The following PTN variants were observed in gnomAD, a reference collection of about 807,000 sequenced individuals.
The protein encoded by PTN is heparin affin regulatory protein.
A neutral mutation model predicts 24.1 loss-of-function variants in PTN; 18 were observed. That is an observed-to-expected ratio of 0.75 (90% confidence interval 0.52 to 1.11). PTN has a LOEUF of 1.11. Among genes scored for constraint, PTN ranks in the 50% least tolerant of loss-of-function variants. PTN has a pLI of 0.00. For synonymous variants in PTN, 78 were observed against 68.6 expected (o/e 1.14, Z -0.67); for missense variants, 163 against 198.8 (o/e 0.82, Z 1.08).
intron 1 of PTN, among the ~76,000 whole-genome samples, chr7:137,264,057 T>A (rs322311): frequency 0.49 from 74,183 of 152,016 alleles, 19,020 homozygotes; most frequent in African/African-American, 0.66. Flanking sequence ...TTGTCCAATA[T>A]TTGAAACTTT....
chr7:137,229,717 T>C (rs1413317433), intron 4 of PTN, among the ~76,000 whole-genome samples: 2 of 151,816 alleles, frequency 1.3e-5, no homozygotes, highest in African/African-American at 4.8e-5. Flanking sequence ...ACTAAAGAAA[T>C]TTAACTTTTC....
intron 1 of PTN, among the ~76,000 whole-genome samples, chr7:137,320,384 C>T (rs1810144136): frequency 6.6e-6 from 1 of 150,814 alleles, no homozygotes; most frequent in Admixed American, 6.6e-5. Context: ...TTCTAACTCA[C>T]TCATCTACTG....
At chr7:137,251,014 A>G (rs905837981) in intron 4 of PTN, among the ~76,000 whole-genome samples, 3 of 152,282 alleles carry the variant, frequency 2.0e-5, no homozygotes, top group Admixed American at 6.5e-5. Flanking sequence ...GACTGTACCA[A>G]TCCCCTCATC....
intron 1 of PTN, among the ~76,000 whole-genome samples, chr7:137,292,503 G>A (rs567763049): frequency 6.6e-6 from 1 of 152,222 alleles, no homozygotes; most frequent in African/African-American, 2.4e-5. Flanking sequence ...CATGTAAGAC[G>A]TCCCTTTGCT....
chr7:137,263,001 C>T (rs1164603194), intron 1 of PTN, among the ~76,000 whole-genome samples: 1 of 152,116 alleles, frequency 6.6e-6, no homozygotes, highest in African/African-American at 2.4e-5. Flanking sequence ...TCCCTCATTT[C>T]CCCCCTTCGA....
intron 1 of PTN, among the ~76,000 whole-genome samples, chr7:137,341,204 T>TA (rs2128884324): frequency 6.6e-6 from 1 of 152,124 alleles, no homozygotes; most frequent in Non-Finnish European, 1.5e-5. Flanking sequence ...TTGATTTTAC[T>TA]AAAAAAAGTG....
chr7:137,246,550 A>C (rs1808726425), intron 4 of PTN, among the ~76,000 whole-genome samples: 1 of 152,148 alleles, frequency 6.6e-6, no homozygotes, highest in African/African-American at 2.4e-5. Context: ...TCCCTTTCCT[A>C]TAATTCTCAT....
At chr7:137,322,402 C>T (rs1398038583) in intron 1 of PTN, among the ~76,000 whole-genome samples, 2 of 152,106 alleles carry the variant, frequency 1.3e-5, no homozygotes, top group African/African-American at 2.4e-5. Context: ...AATACACTTG[C>T]TTTCAAAGTG....
chr7:137,332,397 AT>A (rs1265166225), intron 1 of PTN, among the ~76,000 whole-genome samples: 5 of 152,154 alleles, frequency 3.3e-5, no homozygotes, highest in South Asian at 2.1e-4. Flanking sequence ...GGAAAAAAAA[AT>A]ATTTCATTAT....
chr7:137,258,836 T>C (rs1272814848), intron 1 of PTN, among the ~76,000 whole-genome samples: 1 of 152,150 alleles, frequency 6.6e-6, no homozygotes. Flanking sequence ...TCCAACAGAC[T>C]GAGTGCCAAA....
intron 1 of PTN, among the ~76,000 whole-genome samples, chr7:137,292,695 T>A (rs1308320923): frequency 6.6e-6 from 1 of 152,166 alleles, no homozygotes; most frequent in African/African-American, 2.4e-5. Context: ...CTATACTGTA[T>A]TGTTTAGGGA....
chr7:137,262,555 T>C (rs1563204093), intron 1 of PTN, among the ~76,000 whole-genome samples: 1 of 151,306 alleles, frequency 6.6e-6, no homozygotes, highest in Non-Finnish European at 1.5e-5. Context: ...GACACCGAGA[T>C]AGTGAAGGGA....
rs1256751733 is a variant in PTN, at chr7:137,279,021, AT to A, written c.-1-24048del. Among the ~76,000 whole-genome samples, 3 of 150,714 alleles carry A rather than the reference AT, an allele frequency of 2.0e-5. No individual in the cohort carries two copies. The East Asian group carries it at 5.8e-4, about 29-fold the overall frequency. On this transcript the variant is annotated intron_variant, in intron 1 of 4. Transcript: ENST00000348225. ...GACCAATCCAGAATCATAATCTGAA[AT>A]TTAAAAACAAACTGAGAAATTCACA...
chr7:137,322,027 A>C (rs1810170579), intron 1 of PTN, among the ~76,000 whole-genome samples: 1 of 152,200 alleles, frequency 6.6e-6, no homozygotes, highest in South Asian at 2.1e-4. Flanking sequence ...GTTTAGCTGA[A>C]GCTTAGAGGC....
At chr7:137,252,944 G>A (rs1415281837) in intron 3 of PTN, among the ~76,000 whole-genome samples, 1 of 152,154 alleles carries the variant, frequency 6.6e-6, no homozygotes, top group African/African-American at 2.4e-5. Flanking sequence ...TGGAGGTTGG[G>A]GAGGGATCAA....
At chr7:137,253,322 A>G in intron 3 of PTN, 142 bp downstream of exon 3, 1 of 841,858 alleles carries the variant, frequency 1.2e-6, no homozygotes, top group East Asian at 3.0e-5. Context: ...GCCTGGCCTG[A>G]AATGGGACCA....
intron 1 of PTN, among the ~76,000 whole-genome samples, chr7:137,317,883 T>C (rs1810099482): frequency 6.6e-6 from 1 of 152,138 alleles, no homozygotes; most frequent in Non-Finnish European, 1.5e-5. Flanking sequence ...GATGAGTAAG[T>C]ACCCTGGGAG....
intron 1 of PTN, among the ~76,000 whole-genome samples, chr7:137,331,568 A>G (rs1376752440): frequency 1.2e-4 from 18 of 152,202 alleles, no homozygotes; most frequent in Non-Finnish European, 2.4e-4. Flanking sequence ...CCAAATAATA[A>G]CAGAGCAAAT....
intron 4 of PTN, among the ~76,000 whole-genome samples, chr7:137,241,947 C>T (rs949803350): frequency 2.0e-5 from 3 of 152,148 alleles, no homozygotes; most frequent in Non-Finnish European, 2.9e-5. Context: ...GCCCCCTCAC[C>T]TCTCTCAACA....
Sources: gnomAD v4.1 joint callset for allele counts (sites outside exome capture counted in the v4.1 genomes callset) on GRCh38, gnomAD v4.1.1 for gene constraint, MANE v1.5 for transcripts, NCBI Gene and HGNC (gene_info 2026-07-23, HGNC 2026-07-21) for gene names.